The following FAM149A variants were observed in gnomAD, a reference collection of about 807,000 sequenced individuals.
The protein encoded by FAM149A is family with sequence similarity 149 member A.
A neutral mutation model predicts 78.2 loss-of-function variants in FAM149A; 71 were observed. The ratio of observed to expected loss-of-function variants is 0.91; its 90% CI spans 0.75 to 1.11. FAM149A has a LOEUF of 1.11. Ranked by LOEUF, FAM149A falls within the 50% of genes least tolerant of loss-of-function variation. FAM149A has a pLI of 0.00. For synonymous variants in FAM149A, 446 were observed against 410.5 expected (o/e 1.09, Z -1.04); for missense variants, 1,036 against 971.0 (o/e 1.07, Z -0.89).
intron 1 of FAM149A, chr4:186,146,625 C>A: frequency 1.3e-6 from 1 of 762,364 alleles, no homozygotes; most frequent in Non-Finnish European, 1.6e-6. Flanking sequence ...CAAAGTTGCA[C>A]AAAAGCAGGA....
At chr4:186,132,022 T>C (rs2099320946) in intron 1 of FAM149A, 2 of 985,306 alleles carry the variant, frequency 2.0e-6, no homozygotes, top group African/African-American at 3.5e-5. Flanking sequence ...TTTCTTATTA[T>C]CTCCATAAAA....
intron 1 of FAM149A, chr4:186,110,367 T>A: frequency 1.2e-5 from 11 of 943,800 alleles, no homozygotes; most frequent in Non-Finnish European, 1.4e-5. Flanking sequence ...TGGCTCAGTG[T>A]ACAATTGTCA....
Position 186,165,467 on chromosome 4 carries a change from A to G in FAM149A, c.2010+3A>G. On this transcript the variant is annotated splice_donor_region_variant and intron_variant, in intron 11 of 13. Transcript: ENST00000389354. ...TTCCTGGATGCCGCCTTGTTTCTGT[A>G]AGACAGATTTCATTCTATTTCAGTG... 6.2e-7 allele frequency: 1 copy of G among 1,614,086 alleles called. No homozygotes were observed. The highest frequency in any genetic ancestry group is 8.5e-7 in the Non-Finnish European group (1 of 1,179,948).
chr4:186,165,259 T>G (rs1212885351), intron 10 of FAM149A, 85 bp from the exon 11 acceptor site: 1 of 1,494,102 alleles, frequency 6.7e-7, no homozygotes, highest in Non-Finnish European at 9.3e-7. Flanking sequence ...GCAGAAACAT[T>G]GAAATCACAG....
chr4:186,145,649 C>T (rs1295362743), intron 1 of FAM149A, among the ~76,000 whole-genome samples: 1 of 152,124 alleles, frequency 6.6e-6, no homozygotes, highest in Admixed American at 6.5e-5. Context: ...CCTCCATGCG[C>T]CAACAAATGA....
intron 1 of FAM149A, chr4:186,125,802 A>C (rs1023321629): frequency 2.0e-6 from 2 of 985,174 alleles, no homozygotes; most frequent in African/African-American, 3.5e-5. Flanking sequence ...TGAATACCCA[A>C]CCGTTTGGAA....
At chr4:186,116,859 TCATAA>T in intron 1 of FAM149A, 4 of 642,240 alleles carry the variant, frequency 6.2e-6, no homozygotes, top group Non-Finnish European at 7.7e-6. Context: ...TGTGCCAAGC[TCATAA>T]TGATAGTCCT....
chr4:186,160,452 AACACACCACACACCATACACCACAC>A (rs746541464), intron 8 of FAM149A, among the ~76,000 whole-genome samples: 93 of 141,274 alleles, frequency 6.6e-4, no homozygotes, highest in Non-Finnish European at 1.1e-3. Context: ...ATCCCACACA[AACACACCACACACCATACACCACAC>A]ACACACCACA....
At chr4:186,125,287 C>G (rs2099317832) in intron 1 of FAM149A, 1 of 985,268 alleles carries the variant, frequency 1.0e-6, no homozygotes, top group East Asian at 1.1e-4. Context: ...TATGTGCCAG[C>G]CACCTGCTTC....
chr4:186,143,557 G>GT (rs35123925), intron 1 of FAM149A, among the ~76,000 whole-genome samples: 2 of 152,082 alleles, frequency 1.3e-5, no homozygotes, highest in Admixed American at 6.5e-5. Flanking sequence ...GTTTGTGTTT[G>GT]TTTTTTTGAG....
intron 1 of FAM149A, among the ~76,000 whole-genome samples, chr4:186,121,034 A>G (rs1453583959): frequency 2.0e-5 from 3 of 151,664 alleles, no homozygotes; most frequent in Non-Finnish European, 4.4e-5. Context: ...CAAAGTACAA[A>G]TAAATGTCTT....
Position 186,105,336 on chromosome 4 carries a change from C to G in FAM149A, c.260C>G (p.Ala87Gly). The G allele has an allele frequency of 8.5e-7, 1 of 1,170,220 alleles. No individual in the cohort carries two copies. Among genetic ancestry groups the G allele is most frequent in the Non-Finnish European group, 1.1e-6 (1 of 940,076 alleles). 72.5% of individuals were successfully genotyped at this position (1,170,220 alleles called of 1,614,324 possible). Residue 87 changes from alanine (A) to glycine (G), a missense_variant, in exon 1 of 14, where the codon GCC (alanine) becomes GGC (glycine). Around this residue, in one of 3 missense-constraint regions of FAM149A, gnomAD observed 316 missense variants for 241.9 expected, o/e 1.31. Coordinates refer to ENST00000389354, the MANE Select transcript of FAM149A (RefSeq NM_001367768.3). ...TCCCGGGGCTCCGCCGCCAGCCGCG[C>G]CGCGGGAGCAGTGGGGACCCTGCTC...
chr4:186,167,344 C>A, intron 13 of FAM149A, 82 bp downstream of exon 13: 2 of 1,267,964 alleles, frequency 1.6e-6, no homozygotes, highest in Non-Finnish European at 2.3e-6. Context: ...AGATGATCTA[C>A]CTTGATAAGC....
chr4:186,130,973 T>C (rs1003558801), intron 1 of FAM149A, among the ~76,000 whole-genome samples: 7 of 152,126 alleles, frequency 4.6e-5, no homozygotes, highest in African/African-American at 1.4e-4. Context: ...CCCTAACTCC[T>C]AGTGTGTTGG....
chr4:186,150,358 T>G (rs1009432155), intron 3 of FAM149A, among the ~76,000 whole-genome samples: 261 of 142,896 alleles, frequency 1.8e-3, no homozygotes, highest in East Asian at 5.6e-3. Flanking sequence ...ATGCTGGGTG[T>G]TTTGTTGTTG....
intron 1 of FAM149A, among the ~76,000 whole-genome samples, chr4:186,124,473 C>T (rs1224277843): frequency 7.2e-6 from 1 of 139,860 alleles, no homozygotes; most frequent in Non-Finnish European, 1.5e-5. Flanking sequence ...TCCATGTGTT[C>T]TCATTGTTCA....
intron 1 of FAM149A, among the ~76,000 whole-genome samples, chr4:186,106,558 A>G (rs2099308831): frequency 1.3e-5 from 2 of 152,122 alleles, no homozygotes; most frequent in African/African-American, 4.8e-5. Context: ...ACTCCCTCCA[A>G]AAAATCCTGA....
At position 186,105,135 on chromosome 4, in the gene FAM149A, C is replaced by T; in HGVS notation, c.59C>T (p.Thr20Met). ...TTGGCCAAACTCTTCGAGACCTCGA[C>T]GGCGCCCCCCGCAGGCCCCTCCTCC... Residue 20 changes from threonine to methionine, a missense_variant, in exon 1 of 14, where the codon ACG (threonine) becomes ATG (methionine). Physicochemically the swap from Thr to Met is moderately conservative, Grantham distance 81. Transcript: ENST00000389354. The T allele has an allele frequency of 7.8e-7, 1 of 1,280,364 alleles. No homozygotes were observed. The highest frequency in any genetic ancestry group is 1.0e-6 in the Non-Finnish European group (1 of 985,006). 79.3% of individuals were successfully genotyped at this position (1,280,364 alleles called of 1,614,324 possible). A position where few individuals can be genotyped will look rare whatever the true frequency, so the allele number is the denominator to read the frequency against.
At chr4:186,167,119 C>CT (rs1735108335) in intron 12 of FAM149A, 23 bp downstream of exon 12, 1 of 1,603,196 alleles carries the variant, frequency 6.2e-7, no homozygotes. Flanking sequence ...TTTCCTGTAA[C>CT]TTTAATTTTG....
Sources: allele counts gnomAD v4.1 joint callset (sites outside exome capture counted in the v4.1 genomes callset), GRCh38; gene constraint gnomAD v4.1.1; regional missense constraint gnomAD v4.1.1; transcripts MANE v1.5; gene names NCBI Gene and HGNC (gene_info 2026-07-23, HGNC 2026-07-21).